CNKSR3: variants seen among roughly 807,000 people sequenced by gnomAD.
CNKSR3 encodes the protein CNKSR family member 3, also known as connector enhancer of kinase suppressor of ras 3.
CNKSR3 carries 36 observed loss-of-function variants against 67.7 expected under a neutral mutation model. That is an observed-to-expected ratio of 0.53 (90% CI 0.41 to 0.70). The LOEUF (loss-of-function observed/expected upper bound fraction) is 0.70, where lower values mean the gene tolerates loss of function less well. CNKSR3 is among the 30% of genes least tolerant of loss of function. The pLI, the probability that CNKSR3 is intolerant of heterozygous loss-of-function variation, is 0.00. For synonymous variants in CNKSR3, 281 were observed against 271.4 expected (o/e 1.04, Z -0.35); for missense variants, 630 against 695.2 (o/e 0.91, Z 1.05).
rs1785169837 is a variant in CNKSR3, at chr6:154,422,617, C to G, written c.834G>C (p.Leu278Phe). Residue 278 changes from leucine to phenylalanine, a missense_variant, in exon 9 of 13, where the codon TTG becomes TTC. Physicochemically the swap from Leu to Phe is conservative, Grantham distance 22. Coordinates refer to ENST00000607772, the MANE Select transcript of CNKSR3 (RefSeq NM_173515.4). ...ACACAACTCCGGTGGGATTCTCTCT[C>G]AATTTCTTCACCAGATTTTTCAGCT... Reference protein sequence around the residue: ...GWQLKNLVKKLRENPTGVVLL... With the variant: ...GWQLKNLVKKFRENPTGVVLL... 6.2e-7 allele frequency: 1 copy of G among 1,613,632 alleles called. No homozygotes were observed. Among genetic ancestry groups the G allele is most frequent in the South Asian group, 1.1e-5 (1 of 91,048 alleles).
At chr6:154,457,578 G>A (rs942989318) in intron 1 of CNKSR3, among the ~76,000 whole-genome samples, 4 of 152,208 alleles carry the variant, frequency 2.6e-5, no homozygotes, top group East Asian at 1.9e-4. Context: ...ACAGCCGGGC[G>A]TGGTGGCCTG....
chr6:154,476,174 G>A (rs1457824887), intron 1 of CNKSR3, among the ~76,000 whole-genome samples: 1 of 151,798 alleles, frequency 6.6e-6, no homozygotes, highest in African/African-American at 2.4e-5. Flanking sequence ...ACAGACCTTC[G>A]GGCCGGGCGC....
chr6:154,505,598 T>G (rs555495754), intron 1 of CNKSR3, among the ~76,000 whole-genome samples: 9 of 150,524 alleles, frequency 6.0e-5, no homozygotes, highest in African/African-American at 1.9e-4. Context: ...CCCGGGTTCA[T>G]GCCATTCTCC....
chr6:154,436,331 T>C (rs1206397464), intron 4 of CNKSR3, among the ~76,000 whole-genome samples: 1 of 151,910 alleles, frequency 6.6e-6, no homozygotes, highest in African/African-American at 2.4e-5. Context: ...ACCACCACGC[T>C]TGGCTAACTC....
intron 1 of CNKSR3, among the ~76,000 whole-genome samples, chr6:154,488,501 A>G (rs555125633): frequency 1.3e-5 from 2 of 152,362 alleles, no homozygotes; most frequent in South Asian, 4.1e-4. Context: ...TATCAAGTTA[A>G]AGTTCATCTT....
In CNKSR3 at chr6:154,400,371, G is replaced by A. The variant is rs1202127937; in HGVS notation, c.*5983C>T. 3.9e-5 allele frequency: 6 copies of A among 152,324 alleles called. No individual in the cohort carries two copies. In the East Asian group the frequency reaches 1.2e-3, roughly 29 times the overall value. 9.4% of individuals were successfully genotyped at this position (152,324 alleles called of 1,614,324 possible). A position where few individuals can be genotyped will look rare whatever the true frequency, so the allele number is the denominator to read the frequency against. ...AACAGGTGATCAACTCAGAAGACGA[G>A]CTTCATAAAGGTTGCCATAGAACTT... On this transcript the variant is annotated 3_prime_UTR_variant, in exon 13 of 13. Transcript: ENST00000607772.
intron 9 of CNKSR3, among the ~76,000 whole-genome samples, chr6:154,419,651 T>C (rs72993371): frequency 0.026 from 3,987 of 152,206 alleles, 88 homozygotes; most frequent in Non-Finnish European, 0.043. Flanking sequence ...GGAAATGAGA[T>C]CAGTATGCTG....
At chr6:154,473,535 T>A (rs1012225346) in intron 1 of CNKSR3, among the ~76,000 whole-genome samples, 1 of 152,056 alleles carries the variant, frequency 6.6e-6, no homozygotes, top group African/African-American at 2.4e-5. Context: ...TGGGGGAGAA[T>A]GGCATAAACA....
At chr6:154,423,574 A>C (rs1163035565) in intron 7 of CNKSR3, among the ~76,000 whole-genome samples, 1 of 152,182 alleles carries the variant, frequency 6.6e-6, no homozygotes, top group East Asian at 1.9e-4. Context: ...TACTGTCAAA[A>C]TGATTGGCTG....
chr6:154,418,350 G>A lies in CNKSR3; in HGVS notation c.946-3927C>T, dbSNP rs1472517637. Among the ~76,000 whole-genome samples the A allele has an allele frequency of 2.6e-5, 4 of 152,168 alleles. No homozygotes were observed. The South Asian group carries it at 8.3e-4, about 32-fold the overall frequency. On this transcript the variant is annotated intron_variant, in intron 9 of 12. Coordinates refer to ENST00000607772, the MANE Select transcript of CNKSR3 (RefSeq NM_173515.4). ...CCCTCAAAATTGCTTTCACAAGGAT[G>A]TACACCTAAGACTCTGCTCTAGGAA... is the stretch of plus-strand genomic sequence containing the variant.
chr6:154,401,440 G>T lies in CNKSR3; in HGVS notation c.*4914C>A. 6.5e-6 allele frequency: 1 copy of T among 153,432 alleles called. No individual in the cohort carries two copies. Among genetic ancestry groups the T allele is most frequent in the Non-Finnish European group, 1.5e-5 (1 of 68,958 alleles). 9.5% of individuals were successfully genotyped at this position (153,432 alleles called of 1,614,324 possible). ...AGGGTGCTCACCAGGAACTCACCTT[G>T]ATCTTGGACTTCCCAGCCTCCAGAA... On this transcript the variant is annotated 3_prime_UTR_variant, in exon 13 of 13. Coordinates refer to ENST00000607772, the MANE Select transcript of CNKSR3 (RefSeq NM_173515.4).
At chr6:154,499,749 C>T (rs567871891) in intron 1 of CNKSR3, among the ~76,000 whole-genome samples, 14 of 152,100 alleles carry the variant, frequency 9.2e-5, no homozygotes, top group African/African-American at 1.9e-4. Flanking sequence ...GGATCATAGG[C>T]GTGAGCCACT....
At chr6:154,444,121 C>G (rs1188365034) in intron 2 of CNKSR3, among the ~76,000 whole-genome samples, 1 of 152,104 alleles carries the variant, frequency 6.6e-6, no homozygotes, top group East Asian at 1.9e-4. Context: ...GACGATATTT[C>G]TTGAGATACA....
intron 6 of CNKSR3, among the ~76,000 whole-genome samples, chr6:154,430,178 T>A (rs970659978): frequency 6.6e-6 from 1 of 152,212 alleles, no homozygotes; most frequent in East Asian, 1.9e-4. Flanking sequence ...CCAGAGACCA[T>A]CTTTCCTTTG....
At chr6:154,451,684 T>G (rs888535519) in intron 1 of CNKSR3, among the ~76,000 whole-genome samples, 2 of 152,194 alleles carry the variant, frequency 1.3e-5, no homozygotes, top group Admixed American at 1.3e-4. Flanking sequence ...GAGGCTAAAC[T>G]ACATCTCTGC....
intron 1 of CNKSR3, among the ~76,000 whole-genome samples, chr6:154,487,247 A>AT (rs1227297156): frequency 3.3e-5 from 5 of 151,744 alleles, no homozygotes; most frequent in South Asian, 2.1e-4. Context: ...GGAAGATGTG[A>AT]TTTTTTTTTC....
intron 1 of CNKSR3, among the ~76,000 whole-genome samples, chr6:154,454,907 A>G (rs1164895868): frequency 6.6e-6 from 1 of 152,140 alleles, no homozygotes; most frequent in Non-Finnish European, 1.5e-5. Flanking sequence ...TTAGATGGCT[A>G]TGTTATTACC....
At chr6:154,493,809 T>C (rs2351132) in intron 1 of CNKSR3, among the ~76,000 whole-genome samples, 1 of 151,586 alleles carries the variant, frequency 6.6e-6, no homozygotes, top group Non-Finnish European at 1.5e-5. Flanking sequence ...ATCAGATCTC[T>C]TGAGAACTCA....
intron 1 of CNKSR3, among the ~76,000 whole-genome samples, chr6:154,504,876 T>C (rs1020366862): frequency 6.6e-6 from 1 of 151,470 alleles, no homozygotes; most frequent in Non-Finnish European, 1.5e-5. Context: ...AGTTTTATAA[T>C]GAGAGAGCCT....
Sources: gnomAD v4.1 joint callset for allele counts (sites outside exome capture counted in the v4.1 genomes callset) on GRCh38, gnomAD v4.1.1 for gene constraint, MANE v1.5 for transcripts, NCBI Gene and HGNC (gene_info 2026-07-23, HGNC 2026-07-21) for gene names.